The following SPATS2L variants were observed in gnomAD, a reference collection of about 807,000 sequenced individuals.
SPATS2L encodes SPATS2-like protein.
Under a neutral mutation model 59.6 loss-of-function variants are expected in SPATS2L, and 30 were observed. The ratio of observed to expected loss-of-function variants is 0.50; its 90% CI spans 0.38 to 0.68. The LOEUF is 0.68. SPATS2L is among the 30% of genes least tolerant of loss of function. SPATS2L has a pLI of 0.00. For synonymous variants in SPATS2L, 252 were observed against 263.5 expected, an observed-to-expected ratio of 0.96 and a Z score of 0.42; for missense variants, 615 against 700.0, an observed-to-expected ratio of 0.88 and a Z score of 1.37.
intron 5 of SPATS2L, among the ~76,000 whole-genome samples, 180 bp downstream of exon 5, chr2:200,416,608 T>TA (rs1422101578): frequency 6.6e-6 from 1 of 152,174 alleles, no homozygotes; most frequent in Non-Finnish European, 1.5e-5. Flanking sequence ...CTCTCACTAG[T>TA]AATGCCCTTA....
At chr2:200,345,357 A>C (rs2080476383) in intron 2 of SPATS2L, among the ~76,000 whole-genome samples, 1 of 152,226 alleles carries the variant, frequency 6.6e-6, no homozygotes, top group Non-Finnish European at 1.5e-5. Flanking sequence ...ATCAAACCTT[A>C]TTAAAGTGAC....
chr2:200,432,901 A>G (rs2084033027), intron 6 of SPATS2L, among the ~76,000 whole-genome samples: 1 of 152,192 alleles, frequency 6.6e-6, no homozygotes, highest in Admixed American at 6.5e-5. Context: ...AGAGAAAAAA[A>G]GTAAAAGAAT....
At chr2:200,447,886 T>G (rs1366309824) in intron 8 of SPATS2L, among the ~76,000 whole-genome samples, 1 of 152,250 alleles carries the variant, frequency 6.6e-6, no homozygotes, top group East Asian at 1.9e-4. Context: ...GTTAAACAAT[T>G]ACTAAATTTT....
chr2:200,399,700 A>G (rs374939611), intron 3 of SPATS2L, among the ~76,000 whole-genome samples: 1 of 152,308 alleles, frequency 6.6e-6, no homozygotes, highest in African/African-American at 2.4e-5. Flanking sequence ...AAAATGAAAA[A>G]TGATATGTAG....
intron 2 of SPATS2L, among the ~76,000 whole-genome samples, chr2:200,356,571 A>G (rs192006421): frequency 9.2e-5 from 14 of 152,310 alleles, no homozygotes; most frequent in African/African-American, 3.4e-4. Context: ...TGACTACATG[A>G]TGTCATGCTC....
At chr2:200,385,702 T>A (rs895057388) in intron 2 of SPATS2L, among the ~76,000 whole-genome samples, 4 of 152,118 alleles carry the variant, frequency 2.6e-5, no homozygotes, top group Admixed American at 6.5e-5. Context: ...TTAAAATTTT[T>A]TTTTTTTTTA....
At chr2:200,469,708 A>G in intron 10 of SPATS2L, 1 of 512,828 alleles carries the variant, frequency 1.9e-6, no homozygotes, top group Non-Finnish European at 3.4e-6. Flanking sequence ...CAGGCCCCTC[A>G]CATATTCCCC....
chr2:200,321,119 G>A (rs1249051999), intron 1 of SPATS2L, among the ~76,000 whole-genome samples: 1 of 152,108 alleles, frequency 6.6e-6, no homozygotes, highest in African/African-American at 2.4e-5. Flanking sequence ...TTAGCATTTG[G>A]TGTTTCCCTT....
chr2:200,413,147 A>G (rs1033793523), intron 4 of SPATS2L, among the ~76,000 whole-genome samples: 1 of 152,220 alleles, frequency 6.6e-6, no homozygotes, highest in Non-Finnish European at 1.5e-5. Context: ...AAGTCTTCTC[A>G]CTTCTCCAAC....
At chr2:200,408,215 G>A (rs1409518522) in intron 3 of SPATS2L, among the ~76,000 whole-genome samples, 1 of 152,180 alleles carries the variant, frequency 6.6e-6, no homozygotes, top group Non-Finnish European at 1.5e-5. Context: ...CCGGCCTGGG[G>A]GTGGGGGTTC....
intron 2 of SPATS2L, among the ~76,000 whole-genome samples, chr2:200,368,936 A>G (rs1258751749): frequency 1.1e-4 from 17 of 152,196 alleles, no homozygotes. Flanking sequence ...AGAATCAACA[A>G]TGAAATCTTG....
At chr2:200,392,763 GA>G (rs1469570458) in intron 3 of SPATS2L, among the ~76,000 whole-genome samples, 2 of 152,132 alleles carry the variant, frequency 1.3e-5, no homozygotes, top group Non-Finnish European at 1.5e-5. Flanking sequence ...CAATCTGTGG[GA>G]TCTGATGCTA....
Position 200,343,159 on chromosome 2 carries a change from C to T in SPATS2L, c.-23+13679C>T, listed in dbSNP as rs2080389479. On this transcript the variant is annotated intron_variant, in intron 2 of 12. Transcript: ENST00000409140. ...CTAGCTGATGCATGTAATCAGAGCACTACAATAATATTGTCAGGGACTGAC... is the reference window on the plus strand; with the variant it reads ...CTAGCTGATGCATGTAATCAGAGCATTACAATAATATTGTCAGGGACTGAC... Among the ~76,000 whole-genome samples, 7 of 152,262 alleles carry T rather than the reference C, an allele frequency of 4.6e-5. No homozygotes were observed. The South Asian group carries it at 1.5e-3, about 32-fold the overall frequency.
Position 200,479,241 on chromosome 2 carries a change from C to G in SPATS2L, c.*1210C>G, listed in dbSNP as rs1466444537. Reference sequence around the variant, plus strand: ...TAATTATCTTAGCTCTCCTTTCCTCCTTGGGTTGACATTGCATTCAGAATT... The same window carrying G: ...TAATTATCTTAGCTCTCCTTTCCTCGTTGGGTTGACATTGCATTCAGAATT... On this transcript the variant is annotated 3_prime_UTR_variant, in exon 13 of 13. Coordinates refer to ENST00000409140, the MANE Select transcript of SPATS2L (RefSeq NM_001100423.2). The G allele has an allele frequency of 7.9e-6, 2 of 254,442 alleles. No homozygotes were observed. The highest frequency in any genetic ancestry group is 4.4e-5 in the African/African-American group (2 of 45,636). The allele number at this position is 254,442 out of a possible 1,614,324, so 15.8% of individuals were successfully genotyped here.
At chr2:200,443,533 T>C (rs955856969) in intron 8 of SPATS2L, among the ~76,000 whole-genome samples, 2 of 152,182 alleles carry the variant, frequency 1.3e-5, no homozygotes, top group African/African-American at 4.8e-5. Flanking sequence ...CCGCATGTGG[T>C]GCACAAGCGA....
chr2:200,435,629 A>G (rs2106083654), intron 6 of SPATS2L, among the ~76,000 whole-genome samples: 1 of 152,320 alleles, frequency 6.6e-6, no homozygotes, highest in South Asian at 2.1e-4. Context: ...ATGATGAACA[A>G]GACATACATC....
At chr2:200,458,332 C>T (rs1000602765) in intron 8 of SPATS2L, among the ~76,000 whole-genome samples, 1 of 152,046 alleles carries the variant, frequency 6.6e-6, no homozygotes, top group South Asian at 2.1e-4. Flanking sequence ...TATAAATTTG[C>T]CATTTTAGAT....
chr2:200,386,255 C>T (rs2081990536), intron 2 of SPATS2L, among the ~76,000 whole-genome samples: 1 of 152,032 alleles, frequency 6.6e-6, no homozygotes, highest in African/African-American at 2.4e-5. Context: ...GGAATGGGTC[C>T]CTGTAATTAT....
chr2:200,350,591 A>G (rs910285422), intron 2 of SPATS2L, among the ~76,000 whole-genome samples: 10 of 152,152 alleles, frequency 6.6e-5, no homozygotes, highest in African/African-American at 2.4e-4. Context: ...CAGTGGCACG[A>G]TCGTTCACTG....
Sources: allele counts gnomAD v4.1 joint callset (sites outside exome capture counted in the v4.1 genomes callset), GRCh38; gene constraint gnomAD v4.1.1; transcripts MANE v1.5; gene names NCBI Gene and HGNC (gene_info 2026-07-23, HGNC 2026-07-21).